LARGE1: variants seen among roughly 807,000 people sequenced by gnomAD.
LARGE1 encodes xylosyl- and glucuronyltransferase LARGE1.
Under a neutral mutation model 87.6 loss-of-function variants are expected in LARGE1, and 43 were observed. That is an observed-to-expected ratio of 0.49 (90% confidence interval 0.38 to 0.63). The LOEUF is 0.63. LARGE1 is among the 30% of genes least tolerant of loss of function. The probability of loss-of-function intolerance (pLI) is 0.00; values close to 1 mark genes in which losing one functional copy is unlikely to be tolerated. For missense variants in LARGE1, 802 were observed against 1,000.2 expected, an observed-to-expected ratio of 0.80 and a Z score of 2.67; for synonymous variants, 434 against 394.6, an observed-to-expected ratio of 1.10 and a Z score of -1.18.
At chr22:33,215,330 C>T (rs899411635) in intron 11 of LARGE1, among the ~76,000 whole-genome samples, 3 of 152,196 alleles carry the variant, frequency 2.0e-5, no homozygotes, top group South Asian at 4.2e-4. Context: ...TTAGGGGGAA[C>T]CCAAACTAAG....
intron 9 of LARGE1, among the ~76,000 whole-genome samples, chr22:33,364,353 G>A (rs1452993296): frequency 6.6e-6 from 1 of 152,102 alleles, no homozygotes. Context: ...CACTGTGTCC[G>A]GCCTATTTTC....
At chr22:33,397,412 C>A (rs140251140) in intron 7 of LARGE1, among the ~76,000 whole-genome samples, 141 of 152,274 alleles carry the variant, frequency 9.3e-4, no homozygotes, top group African/African-American at 3.1e-3. Flanking sequence ...ATGGTGCCTG[C>A]CCTCATCTCG....
intron 11 of LARGE1, among the ~76,000 whole-genome samples, chr22:33,202,008 C>T (rs9609746): frequency 0.56 from 85,066 of 151,394 alleles, 24,199 homozygotes; most frequent in Middle Eastern, 0.62. Context: ...TGGTGGCACA[C>T]GCCTGTAGTC....
chr22:33,289,787 T>C (rs1018372577), intron 12 of LARGE1, among the ~76,000 whole-genome samples: 1 of 152,090 alleles, frequency 6.6e-6, no homozygotes, highest in Admixed American at 6.6e-5. Context: ...GTGGGGAAAC[T>C]GTGAATTTGA....
intron 1 of LARGE1, among the ~76,000 whole-genome samples, chr22:33,852,746 C>T (rs994559819): frequency 3.4e-5 from 5 of 149,112 alleles, no homozygotes; most frequent in African/African-American, 9.8e-5. Context: ...GTCCCAGCTA[C>T]TTGGGAGGCT....
At chr22:33,558,360 G>T (rs968127192) in intron 6 of LARGE1, among the ~76,000 whole-genome samples, 5 of 152,136 alleles carry the variant, frequency 3.3e-5, no homozygotes, top group African/African-American at 7.2e-5. Flanking sequence ...AAATAAAAAG[G>T]GGCCAATGGG....
chr22:33,893,850 C>T (rs563556797), intron 1 of LARGE1, among the ~76,000 whole-genome samples: 2 of 152,190 alleles, frequency 1.3e-5, no homozygotes, highest in African/African-American at 2.4e-5. Flanking sequence ...AAAAGGCAGT[C>T]CATGCAGGCC....
chr22:33,795,617 C>A (rs1016675328), intron 1 of LARGE1, among the ~76,000 whole-genome samples: 1 of 152,142 alleles, frequency 6.6e-6, no homozygotes, highest in African/African-American at 2.4e-5. Flanking sequence ...ACCCAAATGT[C>A]CATCAATGAT....
intron 2 of LARGE1, among the ~76,000 whole-genome samples, chr22:33,684,639 A>G (rs900668018): frequency 6.6e-6 from 1 of 152,160 alleles, no homozygotes; most frequent in Non-Finnish European, 1.5e-5. Context: ...GTGCATAATG[A>G]TAAGTTCCTC....
At chr22:33,092,465 T>C in the LARGE1 span, among the ~76,000 whole-genome samples, 5 of 152,160 alleles carry the variant, frequency 3.3e-5, no homozygotes, top group African/African-American at 1.2e-4. Context: ...ATTTAAATTT[T>C]ATTTTATTTT....
chr22:33,156,476 C>G, the LARGE1 span, among the ~76,000 whole-genome samples: 7 of 152,158 alleles, frequency 4.6e-5, no homozygotes, highest in Non-Finnish European at 1.0e-4. Flanking sequence ...GACTGCTCCA[C>G]TGGATTTCTG....
rs372695442 is a variant in LARGE1 at position 33,762,721 on chromosome 22, G to A, written c.-82-1163C>T. Among the ~76,000 whole-genome samples the A allele has an allele frequency of 2.5e-4, 38 of 152,330 alleles. 1 individual carries two copies. In the East Asian group the frequency reaches 6.4e-3, roughly 26 times the overall value. On this transcript the variant is annotated intron_variant, in intron 1 of 14. Transcript: ENST00000397394. ...TCAACGGAAGAGGGAGCAGGTTGGT[G>A]CAGACAAAGTGGATGGCCCATGATC...
chr22:33,499,944 T>G (rs2070348876), intron 6 of LARGE1, among the ~76,000 whole-genome samples: 1 of 152,112 alleles, frequency 6.6e-6, no homozygotes, highest in Non-Finnish European at 1.5e-5. Context: ...TGGCTACATT[T>G]TGTATTTTTA....
At chr22:33,908,821 A>T (rs2065535521) in intron 1 of LARGE1, among the ~76,000 whole-genome samples, 1 of 152,156 alleles carries the variant, frequency 6.6e-6, no homozygotes, top group Non-Finnish European at 1.5e-5. Flanking sequence ...TCTCAAAGCA[A>T]GCTCCTCCTC....
Position 33,316,181 on chromosome 22 carries a change from G to A in LARGE1, c.1355C>T (p.Thr452Ile), listed in dbSNP as rs865968831. 1 of 1,614,126 alleles carries A rather than the reference G, an allele frequency of 6.2e-7. No homozygotes were observed. Among genetic ancestry groups the A allele is most frequent in the Non-Finnish European group, 8.5e-7 (1 of 1,180,020 alleles). ...LCYEFRRERF[T>I]VHRTHLYFLH... ...GAAGTACAGGTGGGTGCGGTGGACA[G>A]TGAAGCGCTCTCGCCGGAACTCATA... The change falls in exon 11 of 15, where the codon ACT becomes ATT. Residue 452 changes from threonine (T) to isoleucine (I), a missense_variant. Physicochemically the swap from Thr to Ile is moderately conservative, Grantham distance 89. This residue lies in a region of LARGE1 where 625 missense variants were observed against 841.9 expected (regional missense o/e 0.74). Coordinates refer to ENST00000397394, the MANE Select transcript of LARGE1 (RefSeq NM_133642.5).
intron 4 of LARGE1, among the ~76,000 whole-genome samples, chr22:33,605,095 C>G (rs553982963): frequency 9.2e-5 from 14 of 151,808 alleles, no homozygotes; most frequent in African/African-American, 3.4e-4. Flanking sequence ...AGCCTGTCCT[C>G]ACTTTTAATA....
At chr22:33,868,626 C>T (rs892919319) in intron 1 of LARGE1, among the ~76,000 whole-genome samples, 1 of 152,200 alleles carries the variant, frequency 6.6e-6, no homozygotes, top group African/African-American at 2.4e-5. Flanking sequence ...GCAATTTCCA[C>T]TCCCCTAACC....
intron 2 of LARGE1, chr22:33,656,997 C>G (rs1165381088): frequency 6.6e-6 from 1 of 152,204 alleles, no homozygotes; most frequent in Non-Finnish European, 1.5e-5. Context: ...CTCAATCAAT[C>G]TGAATGTGCT....
chr22:33,636,994 A>C (rs530909242), intron 3 of LARGE1, among the ~76,000 whole-genome samples: 97 of 152,206 alleles, frequency 6.4e-4, no homozygotes, highest in Admixed American at 4.1e-3. Flanking sequence ...CTGAGCCCCA[A>C]ATTTCCTCAA....
Sources: gnomAD v4.1 joint callset for allele counts (sites outside exome capture counted in the v4.1 genomes callset) on GRCh38, gnomAD v4.1.1 for gene constraint, gnomAD v4.1.1 regional missense constraint, MANE v1.5 for transcripts, NCBI Gene and HGNC (gene_info 2026-07-23, HGNC 2026-07-21) for gene names.